Variants in VRK2 observed in about 807,000 individuals in gnomAD.
VRK2 encodes VRK serine/threonine kinase 2, also known as serine/threonine-protein kinase VRK2.
VRK2 carries 60 observed loss-of-function variants against 57.6 expected under a neutral mutation model. The ratio of observed to expected loss-of-function variants is 1.04; its 90% CI spans 0.85 to 1.29. The LOEUF is 1.29. Among genes scored for constraint, VRK2 ranks in the 50% most tolerant of loss-of-function variants. VRK2 has a pLI of 0.00. For synonymous variants in VRK2, 231 were observed against 199.2 expected (o/e 1.16, Z -1.35); for missense variants, 705 against 588.1 (o/e 1.20, Z -2.06).
intron 1 of VRK2, among the ~76,000 whole-genome samples, chr2:57,935,571 T>A (rs1047619096): frequency 2.6e-5 from 4 of 152,126 alleles, no homozygotes; most frequent in Admixed American, 2.6e-4. Context: ...GGGGTGTCCC[T>A]TGTGGGTCCG....
At chr2:58,031,001 C>T (rs1021762465) in intron 2 of VRK2, among the ~76,000 whole-genome samples, 1 of 152,010 alleles carries the variant, frequency 6.6e-6, no homozygotes, top group East Asian at 1.9e-4. Context: ...TTAGATGATT[C>T]CAGCTCCTAG....
intron 1 of VRK2, among the ~76,000 whole-genome samples, chr2:57,998,419 T>C (rs1275420375): frequency 1.3e-5 from 2 of 152,188 alleles, no homozygotes; most frequent in African/African-American, 4.8e-5. Context: ...ACATATATTC[T>C]CAAAAATATA....
chr2:58,038,709 C>T (rs1445722609), intron 3 of VRK2, among the ~76,000 whole-genome samples: 1 of 152,088 alleles, frequency 6.6e-6, no homozygotes, highest in Non-Finnish European at 1.5e-5. Context: ...GTATATATGC[C>T]TACAAGTCTA....
rs113592812 is a variant in VRK2 at position 58,096,395 on chromosome 2, G to C, written c.543+6672G>C. Among the ~76,000 whole-genome samples the C allele has an allele frequency of 3.9e-3, 589 of 152,084 alleles. 1 individual carries two copies. Among genetic ancestry groups the C allele is most frequent in the Non-Finnish European group, 6.6e-3 (450 of 67,900 alleles). On this transcript the variant is annotated intron_variant, in intron 7 of 12. Transcript: ENST00000340157. ...CTATTTGATTCTTTTGCTTTTCTGCGTGGTAGTTCTTTGTGATTCTCTACT... is the reference window on the plus strand; with the variant it reads ...CTATTTGATTCTTTTGCTTTTCTGCCTGGTAGTTCTTTGTGATTCTCTACT...
At chr2:58,092,802 A>G (rs1056639913) in intron 7 of VRK2, among the ~76,000 whole-genome samples, 4 of 152,068 alleles carry the variant, frequency 2.6e-5, no homozygotes, top group African/African-American at 9.7e-5. Flanking sequence ...TCCTAATGCT[A>G]TCCCTCCCTC....
chr2:58,022,111 T>C (rs1673775594), intron 1 of VRK2, among the ~76,000 whole-genome samples: 1 of 152,208 alleles, frequency 6.6e-6, no homozygotes, highest in Admixed American at 6.5e-5. Flanking sequence ...TTTGATAATA[T>C]CCTGAGGTGA....
intron 7 of VRK2, among the ~76,000 whole-genome samples, chr2:58,109,401 A>G (rs1172001232): frequency 6.6e-6 from 1 of 152,134 alleles, no homozygotes; most frequent in African/African-American, 2.4e-5. Context: ...TGTGCTTAAA[A>G]GGATCTGTAG....
chr2:57,998,471 A>T (rs1281281494), intron 1 of VRK2, among the ~76,000 whole-genome samples: 2 of 152,202 alleles, frequency 1.3e-5, no homozygotes, highest in Non-Finnish European at 2.9e-5. Context: ...GATAATTTAT[A>T]ATTTTAATTT....
chr2:58,019,512 A>G (rs1361283695), intron 1 of VRK2, among the ~76,000 whole-genome samples: 2 of 152,202 alleles, frequency 1.3e-5, no homozygotes, highest in African/African-American at 2.4e-5. Flanking sequence ...AATGATAGTA[A>G]GTATGTAACT....
At chr2:58,151,175 A>G (rs188084078) in intron 12 of VRK2, among the ~76,000 whole-genome samples, 57 of 151,882 alleles carry the variant, frequency 3.8e-4, no homozygotes, top group African/African-American at 1.3e-3. Context: ...GAATGTTACA[A>G]TCACCAACTG....
At chr2:58,099,506 T>G (rs773818308) in intron 7 of VRK2, among the ~76,000 whole-genome samples, 1 of 152,062 alleles carries the variant, frequency 6.6e-6, no homozygotes, top group Non-Finnish European at 1.5e-5. Context: ...AGAAATACTT[T>G]ATTGACTGCT....
At chr2:58,096,487 T>C (rs955080458) in intron 7 of VRK2, among the ~76,000 whole-genome samples, 1 of 152,054 alleles carries the variant, frequency 6.6e-6, no homozygotes, top group African/African-American at 2.4e-5. Flanking sequence ...ATTCATGTTA[T>C]CTGTTTTTTC....
intron 7 of VRK2, among the ~76,000 whole-genome samples, chr2:58,097,358 T>C (rs1319662589): frequency 6.6e-6 from 1 of 152,072 alleles, no homozygotes; most frequent in Non-Finnish European, 1.5e-5. Context: ...TTTGTCACTA[T>C]ATTTGTTGTG....
chr2:57,963,787 A>G (rs1671829901), intron 1 of VRK2, among the ~76,000 whole-genome samples: 1 of 152,232 alleles, frequency 6.6e-6, no homozygotes, highest in Non-Finnish European at 1.5e-5. Context: ...CATCACAAAG[A>G]TAAGTGAATA....
intron 12 of VRK2, among the ~76,000 whole-genome samples, chr2:58,157,692 A>G (rs17614198): frequency 0.044 from 6,745 of 152,266 alleles, 203 homozygotes; most frequent in Middle Eastern, 0.082. Flanking sequence ...ACAAGTTATG[A>G]TGATCTGTTT....
intron 2 of VRK2, among the ~76,000 whole-genome samples, chr2:58,055,841 A>G (rs759022596): frequency 3.9e-5 from 6 of 152,188 alleles, no homozygotes; most frequent in Non-Finnish European, 8.8e-5. Flanking sequence ...ACCAAAGGAA[A>G]AAGTTTAGTC....
intron 1 of VRK2, among the ~76,000 whole-genome samples, chr2:57,973,333 A>T (rs1285718484): frequency 6.6e-6 from 1 of 151,918 alleles, no homozygotes; most frequent in East Asian, 1.9e-4. Context: ...AAAAAGTATG[A>T]TCTCTTATTA....
At chr2:57,987,837 T>TA (rs1172712902) in intron 1 of VRK2, among the ~76,000 whole-genome samples, 18 of 152,218 alleles carry the variant, frequency 1.2e-4, no homozygotes, top group Non-Finnish European at 1.5e-4. Flanking sequence ...CAACTCCTGA[T>TA]ACATGTAATG....
intron 1 of VRK2, among the ~76,000 whole-genome samples, chr2:57,958,050 C>T (rs1671639981): frequency 6.6e-6 from 1 of 152,124 alleles, no homozygotes. Flanking sequence ...TCTCAGGACA[C>T]AGGAGGATCT....
Sources: gnomAD v4.1 joint callset for allele counts (sites outside exome capture counted in the v4.1 genomes callset) on GRCh38, gnomAD v4.1.1 for gene constraint, MANE v1.5 for transcripts, NCBI Gene and HGNC (gene_info 2026-07-23, HGNC 2026-07-21) for gene names.